Variants in FSTL5 observed in about 807,000 individuals in gnomAD.
FSTL5 encodes the protein follistatin like 5.
In FSTL5, 62 loss-of-function variants were observed where a neutral mutation model predicts 89.1. That is an observed-to-expected ratio of 0.70 (90% CI 0.57 to 0.86). The LOEUF (loss-of-function observed/expected upper bound fraction) is 0.86. Ranked by LOEUF, FSTL5 falls within the 40% of genes least tolerant of loss-of-function variation. The pLI is 0.00. For missense variants in FSTL5, 1,057 were observed against 1,001.6 expected, an observed-to-expected ratio of 1.06 and a Z score of -0.75; for synonymous variants, 383 against 346.2, an observed-to-expected ratio of 1.11 and a Z score of -1.18.
intron 3 of FSTL5, among the ~76,000 whole-genome samples, chr4:161,947,091 A>C (rs1734756326): frequency 6.6e-6 from 1 of 151,508 alleles, no homozygotes; most frequent in African/African-American, 2.4e-5. Context: ...ACTGAATTTT[A>C]GAAGTTTGTT....
chr4:161,621,627 T>A (rs1735126760), intron 7 of FSTL5, among the ~76,000 whole-genome samples: 1 of 151,960 alleles, frequency 6.6e-6, no homozygotes, highest in African/African-American at 2.4e-5. Context: ...TTGAAAAGAT[T>A]GTTAAAATTG....
chr4:161,437,565 C>CAAAGAAAAAAAAAAAAAAAAAAAACA (rs1732607154), intron 15 of FSTL5, among the ~76,000 whole-genome samples: 5 of 68,542 alleles, frequency 7.3e-5, no homozygotes, highest in African/African-American at 4.2e-4. Context: ...GACTCCGTCT[C>CAAAGAAAAAAAAAAAAAAAAAAAACA]AAAAAAAAAA....
intron 3 of FSTL5, among the ~76,000 whole-genome samples, chr4:162,019,357 T>C (rs189464477): frequency 2.0e-5 from 3 of 152,194 alleles, no homozygotes; most frequent in Admixed American, 6.5e-5. Flanking sequence ...ATTCTTGAAA[T>C]GTTATAGATG....
intron 15 of FSTL5, among the ~76,000 whole-genome samples, chr4:161,416,364 C>CTTTCACAAGCTTTTTCTGTTTGTTGTGTT (rs1343379826): frequency 3.3e-5 from 5 of 152,118 alleles, no homozygotes; most frequent in Non-Finnish European, 7.4e-5. Flanking sequence ...CATAATATAT[C>CTTTCACAAGCTTTTTCTGTTTGTTGTGTT]TTTCACAAGC....
chr4:161,772,730 T>C (rs1458987256), intron 5 of FSTL5, among the ~76,000 whole-genome samples: 1 of 152,174 alleles, frequency 6.6e-6, no homozygotes, highest in South Asian at 2.1e-4. Context: ...CTCATGCTCA[T>C]GGATAGGTAA....
At chr4:161,631,831 A>T (rs1264549315) in intron 7 of FSTL5, among the ~76,000 whole-genome samples, 2 of 152,190 alleles carry the variant, frequency 1.3e-5, no homozygotes, top group African/African-American at 2.4e-5. Flanking sequence ...AAATAGTTTC[A>T]AATTTGCAAA....
At chr4:161,439,012 C>T (rs1289610416) in intron 15 of FSTL5, among the ~76,000 whole-genome samples, 1 of 150,458 alleles carries the variant, frequency 6.6e-6, no homozygotes, top group African/African-American at 2.4e-5. Flanking sequence ...TTAGATGATA[C>T]TGAAAATAAT....
At chr4:161,396,140 G>T (rs115397434) in intron 15 of FSTL5, among the ~76,000 whole-genome samples, 44 of 150,892 alleles carry the variant, frequency 2.9e-4, no homozygotes, top group African/African-American at 1.0e-3. Context: ...AAAACACTGC[G>T]AGAGAAGCCC....
At chr4:161,844,900 C>T (rs922638754) in intron 4 of FSTL5, among the ~76,000 whole-genome samples, 7 of 151,958 alleles carry the variant, frequency 4.6e-5, no homozygotes, top group Non-Finnish European at 1.0e-4. Flanking sequence ...CCTGCAGGTT[C>T]TGCACATGTA....
chr4:161,712,569 G>A (rs1738826574), intron 6 of FSTL5, among the ~76,000 whole-genome samples: 1 of 152,142 alleles, frequency 6.6e-6, no homozygotes, highest in Non-Finnish European at 1.5e-5. Context: ...TAAACACTTG[G>A]AAAATGTTGT....
intron 15 of FSTL5, among the ~76,000 whole-genome samples, chr4:161,415,893 A>T (rs973665387): frequency 8.6e-5 from 13 of 150,606 alleles, no homozygotes; most frequent in African/African-American, 3.2e-4. Flanking sequence ...TCTTTAATTT[A>T]TGTCTACAAC....
chr4:161,419,528 T>C (rs193094329), intron 15 of FSTL5, among the ~76,000 whole-genome samples: 1 of 152,302 alleles, frequency 6.6e-6, no homozygotes, highest in East Asian at 1.9e-4. Flanking sequence ...CCTGAGGTCT[T>C]GTCCTTAGAT....
At chr4:161,816,995 T>C (rs923886707) in intron 4 of FSTL5, among the ~76,000 whole-genome samples, 10 of 152,310 alleles carry the variant, frequency 6.6e-5, no homozygotes, top group Non-Finnish European at 4.4e-5. Context: ...TGACTTTTCA[T>C]AGAGTTGAAC....
At chr4:162,047,099 C>T (rs1489205038) in intron 2 of FSTL5, among the ~76,000 whole-genome samples, 1 of 151,960 alleles carries the variant, frequency 6.6e-6, no homozygotes, top group Non-Finnish European at 1.5e-5. Flanking sequence ...CAGGTAAGCC[C>T]AAACTAACAC....
intron 7 of FSTL5, among the ~76,000 whole-genome samples, chr4:161,605,740 A>G (rs879322814): frequency 2.6e-5 from 4 of 152,200 alleles, no homozygotes; most frequent in African/African-American, 4.8e-5. Context: ...GTCTTGGAAG[A>G]TAAGTCTTTT....
intron 6 of FSTL5, among the ~76,000 whole-genome samples, chr4:161,714,812 T>C (rs1299372618): frequency 6.6e-6 from 1 of 152,158 alleles, no homozygotes; most frequent in African/African-American, 2.4e-5. Context: ...AGCTGGCTTT[T>C]AGTAGATTAA....
intron 4 of FSTL5, among the ~76,000 whole-genome samples, chr4:161,894,609 G>A (rs773309184): frequency 6.6e-6 from 1 of 152,088 alleles, no homozygotes; most frequent in South Asian, 2.1e-4. Flanking sequence ...CTCTCCTGTA[G>A]CTGGGATTAC....
At chr4:162,070,725 C>A (rs1248817500) in intron 2 of FSTL5, among the ~76,000 whole-genome samples, 1 of 151,270 alleles carries the variant, frequency 6.6e-6, no homozygotes, top group South Asian at 2.1e-4. Flanking sequence ...ACCTTACAGG[C>A]CAAAAAAGAA....
At chr4:161,905,825 C>A (rs1385646896) in intron 4 of FSTL5, among the ~76,000 whole-genome samples, 3 of 152,050 alleles carry the variant, frequency 2.0e-5, no homozygotes, top group Admixed American at 6.6e-5. Context: ...CTTCTCTGGG[C>A]CCCACCTTGA....
Sources: gnomAD v4.1 joint callset for allele counts (sites outside exome capture counted in the v4.1 genomes callset) on GRCh38, gnomAD v4.1.1 for gene constraint, MANE v1.5 for transcripts, NCBI Gene and HGNC (gene_info 2026-07-23, HGNC 2026-07-21) for gene names.